The following CHD6 variants were observed in gnomAD, a reference collection of about 807,000 sequenced individuals.
CHD6 encodes the protein ATP-dependent chromatin remodeler CHD6.
Under a neutral mutation model 276.9 loss-of-function variants are expected in CHD6, and 50 were observed. The ratio of observed to expected loss-of-function variants is 0.18; its 90% CI spans 0.14 to 0.23. The LOEUF (loss-of-function observed/expected upper bound fraction) is 0.23. Ranked by LOEUF, CHD6 falls within the 10% of genes least tolerant of loss-of-function variation. The pLI, the probability that CHD6 is intolerant of heterozygous loss-of-function variation, is 1.00. For missense variants in CHD6, 2,564 were observed against 3,365.8 expected, an observed-to-expected ratio of 0.76 and a Z score of 5.89; for synonymous variants, 1,173 against 1,229.3, an observed-to-expected ratio of 0.95 and a Z score of 0.96.
At chr20:41,499,808 C>T (rs2043789527) in intron 5 of CHD6, among the ~76,000 whole-genome samples, 1 of 152,126 alleles carries the variant, frequency 6.6e-6, no homozygotes, top group Non-Finnish European at 1.5e-5. Context: ...GTTAAAAATA[C>T]ATATCTCACT....
intron 2 of CHD6, among the ~76,000 whole-genome samples, chr20:41,551,102 T>C (rs1283238865): frequency 2.0e-5 from 3 of 152,228 alleles, no homozygotes; most frequent in Non-Finnish European, 4.4e-5. Flanking sequence ...TCATTACATT[T>C]ACTCCTACGT....
chr20:41,435,429 A>T (rs2047674858), intron 27 of CHD6, among the ~76,000 whole-genome samples: 1 of 151,422 alleles, frequency 6.6e-6, no homozygotes, highest in African/African-American at 2.4e-5. Context: ...CCCTGTCTCT[A>T]CAAAAAAACA....
intron 25 of CHD6, among the ~76,000 whole-genome samples, chr20:41,444,201 G>A (rs544698154): frequency 5.9e-5 from 9 of 152,266 alleles, no homozygotes; most frequent in South Asian, 4.1e-4. Flanking sequence ...GTTGCACTGC[G>A]GTACCTTGTG....
intron 36 of CHD6, among the ~76,000 whole-genome samples, chr20:41,409,534 A>G (rs1047674405): frequency 6.6e-6 from 1 of 152,200 alleles, no homozygotes; most frequent in African/African-American, 2.4e-5. Flanking sequence ...GAAGGTGGTG[A>G]CCAGAACTTC....
chr20:41,501,021 C>T (rs1049457401), intron 5 of CHD6, among the ~76,000 whole-genome samples: 2 of 152,116 alleles, frequency 1.3e-5, no homozygotes, highest in African/African-American at 4.8e-5. Context: ...GCAGCAAGGA[C>T]CACTACCACT....
chr20:41,600,488 G>A (rs2045762944), intron 1 of CHD6, among the ~76,000 whole-genome samples: 1 of 152,144 alleles, frequency 6.6e-6, no homozygotes, highest in Non-Finnish European at 1.5e-5. Context: ...TGTTGGAACA[G>A]TCTCTATGTT....
chr20:41,453,896 T>C (rs1212933685), intron 20 of CHD6, among the ~76,000 whole-genome samples: 2 of 152,134 alleles, frequency 1.3e-5, no homozygotes, highest in Non-Finnish European at 2.9e-5. Flanking sequence ...CTGAATTAGC[T>C]AGCTACAAGC....
intron 8 of CHD6, among the ~76,000 whole-genome samples, chr20:41,496,381 G>T (rs901830401): frequency 3.3e-5 from 5 of 152,114 alleles, no homozygotes; most frequent in Non-Finnish European, 5.9e-5. Context: ...ATTGGATCTG[G>T]TTAGAACGTC....
At chr20:41,450,071 C>G (rs545119323) in intron 23 of CHD6, among the ~76,000 whole-genome samples, 11 of 152,066 alleles carry the variant, frequency 7.2e-5, no homozygotes, top group Non-Finnish European at 1.5e-4. Flanking sequence ...GACTTATCTT[C>G]AAATATTTGA....
chr20:41,428,892 G>C (rs1179468477), intron 27 of CHD6, among the ~76,000 whole-genome samples: 3 of 152,156 alleles, frequency 2.0e-5, no homozygotes, highest in African/African-American at 7.2e-5. Flanking sequence ...TGCTTTGTAA[G>C]TGTGAAAGTA....
chr20:41,438,755 C>T (rs1466959089), intron 26 of CHD6, among the ~76,000 whole-genome samples: 3 of 152,162 alleles, frequency 2.0e-5, no homozygotes, highest in Non-Finnish European at 4.4e-5. Flanking sequence ...CACATTCAGG[C>T]GCCCATTCAG....
rs190627738 is a variant in CHD6, at chr20:41,587,958, G to A, written c.-24+30382C>T. On this transcript the variant is annotated intron_variant, in intron 1 of 36. Transcript: ENST00000373233. The stretch of plus-strand genomic sequence containing the variant: ...AGAAGTCATGAAATTCAGAGACCCT[G>A]GAGGAGCCATGAGGGAGGGACCTTG... Among the ~76,000 whole-genome samples the A allele has an allele frequency of 1.7e-3, 252 of 152,252 alleles. 1 individual carries two copies. The highest frequency in any genetic ancestry group is 2.5e-3 in the South Asian group (12 of 4,824).
At chr20:41,481,797 C>G (rs1415412646) in intron 16 of CHD6, among the ~76,000 whole-genome samples, 1 of 151,468 alleles carries the variant, frequency 6.6e-6, no homozygotes, top group Non-Finnish European at 1.5e-5. Context: ...TCACATAGAT[C>G]ATTAAAATTT....
intron 8 of CHD6, among the ~76,000 whole-genome samples, chr20:41,494,878 A>G (rs188961719): frequency 6.6e-6 from 1 of 152,300 alleles, no homozygotes; most frequent in Admixed American, 6.5e-5. Context: ...CTTTATCTCT[A>G]CCTCTTTAGG....
intron 2 of CHD6, among the ~76,000 whole-genome samples, chr20:41,548,220 T>C (rs1285651222): frequency 6.6e-6 from 1 of 152,194 alleles, no homozygotes; most frequent in Non-Finnish European, 1.5e-5. Flanking sequence ...ATCAAGTCTT[T>C]CTGAAAGTTG....
chr20:41,422,065 T>C lies in CHD6; in HGVS notation c.4570A>G (p.Thr1524Ala). The change falls in exon 31 of 37, where the codon ACC (threonine) becomes GCC (alanine). Residue 1524 changes from threonine to alanine, a missense_variant. By Grantham distance (58) the Thr-to-Ala change is moderately conservative. This residue lies in a region of CHD6 where 515 missense variants were observed against 739.5 expected (regional missense o/e 0.70). Coordinates refer to ENST00000373233, the MANE Select transcript of CHD6 (RefSeq NM_032221.5). ...TWKDGGPPDT[T>A]IYVEPITEER... ...TCAGTGATGGGTTCAACGTAGATGG[T>C]GGTATCTGGGGGACCTGGAGAGAAA... 6.2e-7 allele frequency: 1 copy of C among 1,608,234 alleles called. No homozygotes were observed. The highest frequency in any genetic ancestry group is 8.5e-7 in the Non-Finnish European group (1 of 1,175,748).
chr20:41,468,674 T>A (rs1247097528), intron 17 of CHD6, among the ~76,000 whole-genome samples: 1 of 152,146 alleles, frequency 6.6e-6, no homozygotes, highest in East Asian at 1.9e-4. Context: ...CAAAGAAGAC[T>A]CAACAGGTGC....
chr20:41,426,012 T>G (rs2047351565), intron 28 of CHD6, 81 bp downstream of exon 28: 9 of 1,048,398 alleles, frequency 8.6e-6, no homozygotes, highest in Non-Finnish European at 1.3e-5. Context: ...AAAAAACTAC[T>G]TATTAATTAC....
chr20:41,539,959 T>TA lies in CHD6; in HGVS notation c.34-6390dup, dbSNP rs558816812. On this transcript the variant is annotated intron_variant, in intron 2 of 36. Coordinates refer to ENST00000373233, the MANE Select transcript of CHD6 (RefSeq NM_032221.5). ...TATGGTCTAATCACATTTTTGTTTTTAAAAAATACTATACGAATGCTAGCT... is the reference window on the plus strand; with the variant it reads ...TATGGTCTAATCACATTTTTGTTTTTAAAAAAATACTATACGAATGCTAGCT... Among the ~76,000 whole-genome samples the TA allele has an allele frequency of 3.5e-3, 533 of 152,354 alleles. 1 individual carries two copies. Among genetic ancestry groups the TA allele is most frequent in the African/African-American group, 0.012 (503 of 41,578 alleles).
Sources: allele counts gnomAD v4.1 joint callset (sites outside exome capture counted in the v4.1 genomes callset), GRCh38; gene constraint gnomAD v4.1.1; regional missense constraint gnomAD v4.1.1; transcripts MANE v1.5; gene names NCBI Gene and HGNC (gene_info 2026-07-23, HGNC 2026-07-21).